The following MAB21L2 variants were observed in gnomAD, a reference collection of about 807,000 sequenced individuals.
The protein encoded by MAB21L2 is mab-21 like 2.
A neutral mutation model predicts 29.8 loss-of-function variants in MAB21L2; 15 were observed. That is an observed-to-expected ratio of 0.50 (90% CI 0.34 to 0.78). The LOEUF is 0.78. Among genes scored for constraint, MAB21L2 ranks in the 30% least tolerant of loss-of-function variants. The pLI is 0.01. For missense variants in MAB21L2, 321 were observed against 480.1 expected (o/e 0.67, Z 3.10); for synonymous variants, 218 against 210.4 (o/e 1.04, Z -0.31).
rs1185452369 is a variant in MAB21L2 at position 150,583,071 on chromosome 4, G to A, written c.42G>A (p.Lys14=). 12 of 1,613,376 alleles carry A rather than the reference G, an allele frequency of 7.4e-6. No homozygotes were observed. The highest frequency in any genetic ancestry group is 3.3e-5 in the Admixed American group (2 of 59,990). Residue 14 remains lysine, a synonymous_variant, in exon 1 of 1, where the codon AAG becomes AAA. Coordinates refer to ENST00000317605, the MANE Select transcript of MAB21L2 (RefSeq NM_006439.5). The surrounding 1 kb of genome is among the most constrained non-coding windows in gnomAD (Gnocchi z 9.8). ...CCAAGCTGGTTTACCAGCTCAATAA[G>A]TACTACACTGAGCGCTGTCAGGCGC... ...AQAKLVYQLN[K]YYTERCQARK...
chr4:150,584,067 C>T lies in MAB21L2; in HGVS notation c.1038C>T (p.Ala346=). The T allele has an allele frequency of 1.3e-6, 2 of 1,563,430 alleles. No homozygotes were observed. The highest frequency in any genetic ancestry group is 1.7e-6 in the Non-Finnish European group (2 of 1,155,472). ...CTGCCAAGCAGACCTGGAGGTTGGC[C>T]AGGGAAATTCTCACCAATCCCAAAA... The part of the protein sequence containing the change: ...ESAAKQTWRL[A]REILTNPKSL... Residue 346 remains alanine, a synonymous_variant, in exon 1 of 1, where the codon GCC becomes GCT. Coordinates refer to ENST00000317605, the MANE Select transcript of MAB21L2 (RefSeq NM_006439.5).
Position 150,583,895 on chromosome 4 carries a change from C to T in MAB21L2, c.866C>T (p.Thr289Met), listed in dbSNP as rs763591175. Residue 289 changes from threonine to methionine, a missense_variant, in exon 1 of 1, where the codon ACG becomes ATG. Transcript: ENST00000317605. The surrounding 1 kb of genome is among the most constrained non-coding windows in gnomAD (Gnocchi z 9.8). The stretch of plus-strand genomic sequence containing the variant: ...GAGTGCGAGAAACACCCACGAGAAA[C>T]GGACTGGGACGAGTCGTGCCTGGGC... ...LYECEKHPRETDWDESCLGDR... is the reference protein window; with the variant it reads ...LYECEKHPREMDWDESCLGDR... 2.5e-6 allele frequency: 4 copies of T among 1,613,030 alleles called. No individual in the cohort carries two copies. In the East Asian group the frequency reaches 6.7e-5, roughly 27 times the overall value.
chr4:150,583,622 A>G lies in MAB21L2; in HGVS notation c.593A>G (p.Asn198Ser), dbSNP rs1210509990. The G allele has an allele frequency of 6.8e-6, 11 of 1,613,848 alleles. No homozygotes were observed. Among genetic ancestry groups the G allele is most frequent in the Admixed American group, 3.3e-5 (2 of 60,010 alleles). The change falls in exon 1 of 1, where the codon AAT becomes AGT. Residue 198 changes from asparagine to serine, a missense_variant. By Grantham distance (46) the Asn-to-Ser change is conservative. Coordinates refer to ENST00000317605, the MANE Select transcript of MAB21L2 (RefSeq NM_006439.5). The surrounding 1 kb of genome is among the most constrained non-coding windows in gnomAD (Gnocchi z 9.8). ...PMPHIPWPGPNRVAEVKAEGF... is the reference protein window; with the variant it reads ...PMPHIPWPGPSRVAEVKAEGF... ...CCCCACATCCCTTGGCCCGGCCCCA[A>G]TCGGGTGGCCGAGGTCAAGGCCGAA...
chr4:150,584,652 T>C lies in MAB21L2; in HGVS notation c.*543T>C, dbSNP rs982120844. 3.6e-5 allele frequency: 6 copies of C among 167,076 alleles called. No homozygotes were observed. Among genetic ancestry groups the C allele is most frequent in the African/African-American group, 1.2e-4 (5 of 41,438 alleles). 10.3% of individuals were successfully genotyped at this position (167,076 alleles called of 1,614,324 possible). A position where few individuals can be genotyped will look rare whatever the true frequency, so the allele number is the denominator to read the frequency against. ...GAACCTCTACCCTCACCCTGAGCTG[T>C]CTTGTTGAAAACAGTAATAAAAACA... On this transcript the variant is annotated 3_prime_UTR_variant, in exon 1 of 1. Transcript: ENST00000317605.
chr4:150,583,926 G>A lies in MAB21L2; in HGVS notation c.897G>A (p.Arg299=), dbSNP rs750789167. 2 of 1,612,812 alleles carry A rather than the reference G, an allele frequency of 1.2e-6. No individual in the cohort carries two copies. Among genetic ancestry groups the A allele is most frequent in the Non-Finnish European group, 1.7e-6 (2 of 1,179,360 alleles). Residue 299 remains arginine (R), a synonymous_variant, in exon 1 of 1, where the codon CGG becomes CGA. Coordinates refer to ENST00000317605, the MANE Select transcript of MAB21L2 (RefSeq NM_006439.5). The surrounding 1 kb of genome is among the most constrained non-coding windows in gnomAD (Gnocchi z 9.8). The stretch of plus-strand genomic sequence containing the variant: ...GGGACGAGTCGTGCCTGGGCGACCG[G>A]CTCAACGGCATCCTGCTGCAGCTCA... ...TDWDESCLGD[R]LNGILLQLIS...
Position 150,583,554 on chromosome 4 carries a change from G to C in MAB21L2, c.525G>C (p.Lys175Asn). ...TGGTGCAAATCACTCCGGCGTTCAA[G>C]TGCACCGGGATCTGGCCTCGCAGCG... Reference protein sequence around the residue: ...RYVVQITPAFKCTGIWPRSAA... With the variant: ...RYVVQITPAFNCTGIWPRSAA... Residue 175 changes from lysine to asparagine, a missense_variant, in exon 1 of 1, where the codon AAG becomes AAC. Transcript: ENST00000317605. The surrounding 1 kb of genome is among the most constrained non-coding windows in gnomAD (Gnocchi z 9.8). 2 of 1,613,880 alleles carry C rather than the reference G, an allele frequency of 1.2e-6. No homozygotes were observed. Among genetic ancestry groups the C allele is most frequent in the Admixed American group, 1.7e-5 (1 of 60,030 alleles).
At position 150,583,701 on chromosome 4, in the gene MAB21L2, G is replaced by A. The variant is rs779979449; in HGVS notation, c.672G>A (p.Ser224=). ...ACTCGCTGACCGGCAAGCAGAGCTC[G>A]GCAGAGAGCGACGCCTGGGTGCTAC... The part of the protein sequence containing the change: ...ECYSLTGKQS[S]AESDAWVLQF... The change falls in exon 1 of 1, where the codon TCG becomes TCA. Residue 224 remains serine, a synonymous_variant. Transcript: ENST00000317605. This position sits in a 1 kb window ranked among gnomAD's most constrained non-coding sequence, Gnocchi z 9.8. 1 of 1,613,496 alleles carries A rather than the reference G, an allele frequency of 6.2e-7. No homozygotes were observed. The highest frequency in any genetic ancestry group is 2.2e-5 in the East Asian group (1 of 44,846).
At position 150,583,803 on chromosome 4, in the gene MAB21L2, G is replaced by C; in HGVS notation, c.774G>C (p.Arg258=). The C allele has an allele frequency of 6.2e-7, 1 of 1,614,196 alleles. No homozygotes were observed. The highest frequency in any genetic ancestry group is 1.3e-5 in the African/African-American group (1 of 75,060). The stretch of plus-strand genomic sequence containing the variant: ...GCCTCTCAGTGCTGAAGACTCTGCG[G>C]GACCGCCACCTGGAGCTACCCGGCC... ...NKCLSVLKTL[R]DRHLELPGQP... is the part of the protein sequence containing the mutation. The change falls in exon 1 of 1, where the codon CGG becomes CGC. Residue 258 remains arginine, a synonymous_variant. Transcript: ENST00000317605. This position sits in a 1 kb window ranked among gnomAD's most constrained non-coding sequence, Gnocchi z 9.8.
rs1771531570 is a variant in MAB21L2, at chr4:150,582,674, G to GT, written c.-350dup. 2.4e-5 allele frequency: 5 copies of GT among 208,212 alleles called. No homozygotes were observed. In the Middle Eastern group the frequency reaches 5.5e-3, roughly 228 times the overall value. The allele number at this position is 208,212 out of a possible 1,614,324, so 12.9% of individuals were successfully genotyped here. ...TAAGCCTAACCTTTTGGTATCCTGA[G>GT]TTTTTTCCCTCTCCTTCTCCTTCCT... On this transcript the variant is annotated 5_prime_UTR_variant, in exon 1 of 1. Transcript: ENST00000317605.
chr4:150,583,854 G>T lies in MAB21L2; in HGVS notation c.825G>T (p.Lys275Asn). The change falls in exon 1 of 1, where the codon AAG becomes AAT. Residue 275 changes from lysine to asparagine, a missense_variant. By Grantham distance (94) the Lys-to-Asn change is moderately conservative. Transcript: ENST00000317605. This position sits in a 1 kb window ranked among gnomAD's most constrained non-coding sequence, Gnocchi z 9.8. ...AGCCGCTCAACAACTACCACATGAA[G>T]ACGCTGCTGCTGTACGAGTGCGAGA... Reference protein sequence around the residue: ...PGQPLNNYHMKTLLLYECEKH... With the variant: ...PGQPLNNYHMNTLLLYECEKH... 2 of 1,614,216 alleles carry T rather than the reference G, an allele frequency of 1.2e-6. No individual in the cohort carries two copies. The highest frequency in any genetic ancestry group is 1.7e-6 in the Non-Finnish European group (2 of 1,180,030).
At position 150,582,833 on chromosome 4, in the gene MAB21L2, C is replaced by T. The variant is rs1053164724; in HGVS notation, c.-197C>T. The T allele has an allele frequency of 3.8e-6, 2 of 529,278 alleles. No homozygotes were observed. Among genetic ancestry groups the T allele is most frequent in the African/African-American group, 1.9e-5 (1 of 52,902 alleles). The allele number at this position is 529,278 out of a possible 1,614,324, so 32.8% of individuals were successfully genotyped here. ...TTCTTCTGCAGAAGAAAAGAGGTTTCGAAAGAGGGAAAAGGAAAAAACAAG... is the reference window on the plus strand; with the variant it reads ...TTCTTCTGCAGAAGAAAAGAGGTTTTGAAAGAGGGAAAAGGAAAAAACAAG... On this transcript the variant is annotated 5_prime_UTR_variant, in exon 1 of 1. Coordinates refer to ENST00000317605, the MANE Select transcript of MAB21L2 (RefSeq NM_006439.5).
At position 150,583,786 on chromosome 4, in the gene MAB21L2, G is replaced by T; in HGVS notation, c.757G>T (p.Val253Leu). ...CGGCTGCCGAAACAAGTGCCTCTCAGTGCTGAAGACTCTGCGGGACCGCCA... is the reference window on the plus strand; with the variant it reads ...CGGCTGCCGAAACAAGTGCCTCTCATTGCTGAAGACTCTGCGGGACCGCCA... ...MGGCRNKCLSVLKTLRDRHLE... is the reference protein window; with the variant it reads ...MGGCRNKCLSLLKTLRDRHLE... The change falls in exon 1 of 1, where the codon GTG (valine) becomes TTG (leucine). Residue 253 changes from valine to leucine, a missense_variant. Coordinates refer to ENST00000317605, the MANE Select transcript of MAB21L2 (RefSeq NM_006439.5). The surrounding 1 kb of genome is among the most constrained non-coding windows in gnomAD (Gnocchi z 9.8). 6.2e-7 allele frequency: 1 copy of T among 1,614,174 alleles called. No individual in the cohort carries two copies. Among genetic ancestry groups the T allele is most frequent in the Non-Finnish European group, 8.5e-7 (1 of 1,180,036 alleles).
Position 150,584,147 on chromosome 4 carries a change from G to A in MAB21L2, c.*38G>A, listed in dbSNP as rs1234706897. The stretch of plus-strand genomic sequence containing the variant: ...TGCTTGAAAAGCGACACAAACGGGC[G>A]TGCTCTCTCAGACACACAACTCTGC... On this transcript the variant is annotated 3_prime_UTR_variant, in exon 1 of 1. Coordinates refer to ENST00000317605, the MANE Select transcript of MAB21L2 (RefSeq NM_006439.5). 2.7e-6 allele frequency: 4 copies of A among 1,501,576 alleles called. No homozygotes were observed. The highest frequency in any genetic ancestry group is 2.7e-6 in the Non-Finnish European group (3 of 1,125,644). 93.0% of individuals were successfully genotyped at this position (1,501,576 alleles called of 1,614,324 possible).
chr4:150,584,296 A>T lies in MAB21L2; in HGVS notation c.*187A>T. On this transcript the variant is annotated 3_prime_UTR_variant, in exon 1 of 1. Coordinates refer to ENST00000317605, the MANE Select transcript of MAB21L2 (RefSeq NM_006439.5). ...GAGCAACCCAACCAAAACAAATCAC[A>T]TTCTTGCACAAAAGTGATCGTTTTC... The T allele has an allele frequency of 1.9e-6, 1 of 537,932 alleles. No individual in the cohort carries two copies. Among genetic ancestry groups the T allele is most frequent in the Non-Finnish European group, 3.1e-6 (1 of 327,720 alleles). The allele number at this position is 537,932 out of a possible 1,614,324, so 33.3% of individuals were successfully genotyped here.
chr4:150,582,829 G>A lies in MAB21L2; in HGVS notation c.-201G>A, dbSNP rs1771562380. On this transcript the variant is annotated 5_prime_UTR_variant, in exon 1 of 1. Transcript: ENST00000317605. ...CTAATTCTTCTGCAGAAGAAAAGAGGTTTCGAAAGAGGGAAAAGGAAAAAA... is the reference window on the plus strand; with the variant it reads ...CTAATTCTTCTGCAGAAGAAAAGAGATTTCGAAAGAGGGAAAAGGAAAAAA... 1.9e-6 allele frequency: 1 copy of A among 520,600 alleles called. No individual in the cohort carries two copies. The highest frequency in any genetic ancestry group is 1.9e-5 in the African/African-American group (1 of 52,756). The allele number at this position is 520,600 out of a possible 1,614,324, so 32.2% of individuals were successfully genotyped here.
In MAB21L2 at chr4:150,582,338, C is replaced by G. The variant is rs985723322; in HGVS notation, c.-692C>G. 1 of 151,856 alleles carries G rather than the reference C, an allele frequency of 6.6e-6. No individual in the cohort carries two copies. Among genetic ancestry groups the G allele is most frequent in the Non-Finnish European group, 1.5e-5 (1 of 68,028 alleles). 9.4% of individuals were successfully genotyped at this position (151,856 alleles called of 1,614,324 possible). On this transcript the variant is annotated 5_prime_UTR_variant, in exon 1 of 1. Coordinates refer to ENST00000317605, the MANE Select transcript of MAB21L2 (RefSeq NM_006439.5). ...CGCCTCCAGTAGGAAAAGAGGAAAA[C>G]TGCGATAACACGACCCCCCGAGAAG...
Position 150,584,483 on chromosome 4 carries a change from A to AT in MAB21L2, c.*377dup, listed in dbSNP as rs1428118596. On this transcript the variant is annotated 3_prime_UTR_variant, in exon 1 of 1. Coordinates refer to ENST00000317605, the MANE Select transcript of MAB21L2 (RefSeq NM_006439.5). ...TTCTCTCCACCCCATCCCCCCCCCC[A>AT]TTTCGTTTTGCTTTTGGTTGCCTGA... 1.3e-5 allele frequency: 1 copy of AT among 79,870 alleles called. No homozygotes were observed. The highest frequency in any genetic ancestry group is 7.0e-5 in the African/African-American group (1 of 14,306). The allele number at this position is 79,870 out of a possible 1,614,324, so 4.9% of individuals were successfully genotyped here. A position where few individuals can be genotyped will look rare whatever the true frequency, so the allele number is the denominator to read the frequency against.
In MAB21L2 at chr4:150,584,142, C is replaced by T. The variant is rs1027462535; in HGVS notation, c.*33C>T. On this transcript the variant is annotated 3_prime_UTR_variant, in exon 1 of 1. Transcript: ENST00000317605. ...GGGACTGCTTGAAAAGCGACACAAACGGGCGTGCTCTCTCAGACACACAAC... is the reference window on the plus strand; with the variant it reads ...GGGACTGCTTGAAAAGCGACACAAATGGGCGTGCTCTCTCAGACACACAAC... 6.7e-7 allele frequency: 1 copy of T among 1,501,944 alleles called. No homozygotes were observed. The highest frequency in any genetic ancestry group is 1.4e-5 in the South Asian group (1 of 71,392). 93.0% of individuals were successfully genotyped at this position (1,501,944 alleles called of 1,614,324 possible). A position where few individuals can be genotyped will look rare whatever the true frequency, so the allele number is the denominator to read the frequency against.
rs756537226 is a variant in MAB21L2, at chr4:150,583,488, G to A, written c.459G>A (p.Ala153=). Reference sequence around the variant, plus strand: ...ATCGGGATGTGGTCAAGATGATCGCGGACACCAGCGAGGTCAAGTTGCGCA... The same window carrying A: ...ATCGGGATGTGGTCAAGATGATCGCAGACACCAGCGAGGTCAAGTTGCGCA... The part of the protein sequence containing the change: ...CSYRDVVKMI[A]DTSEVKLRIR... Residue 153 remains alanine (A), a synonymous_variant, in exon 1 of 1, where the codon GCG becomes GCA. Coordinates refer to ENST00000317605, the MANE Select transcript of MAB21L2 (RefSeq NM_006439.5). This position sits in a 1 kb window ranked among gnomAD's most constrained non-coding sequence, Gnocchi z 9.8. The A allele has an allele frequency of 1.9e-6, 3 of 1,613,918 alleles. No homozygotes were observed. The highest frequency in any genetic ancestry group is 1.7e-6 in the Non-Finnish European group (2 of 1,180,032).
Sources: gnomAD v4.1 joint callset for allele counts on GRCh38, gnomAD v4.1.1 for gene constraint, Gnocchi (gnomAD v3.1) non-coding constraint, MANE v1.5 for transcripts, NCBI Gene and HGNC (gene_info 2026-07-23, HGNC 2026-07-21) for gene names.